ODAD2: variants seen among roughly 807,000 people sequenced by gnomAD.
ODAD2 encodes the protein outer dynein arm docking complex subunit 2.
In ODAD2, 89 loss-of-function variants were observed where a neutral mutation model predicts 106.8. The observed-to-expected ratio is 0.83, with a 90% confidence interval of 0.70 to 0.99. The LOEUF (loss-of-function observed/expected upper bound fraction) is 0.99. ODAD2 is among the 50% of genes least tolerant of loss of function. ODAD2 has a pLI of 0.00. For synonymous variants in ODAD2, 404 were observed against 436.2 expected (o/e 0.93, Z 0.92); for missense variants, 1,168 against 1,238.5 (o/e 0.94, Z 0.85).
In ODAD2 at chr10:27,940,519, A is replaced by T. The variant is rs746836213; in HGVS notation, c.1986+44T>A. 3.1e-6 allele frequency: 5 copies of T among 1,603,604 alleles called. No individual in the cohort carries two copies. In the East Asian group the frequency reaches 1.1e-4, roughly 36 times the overall value. On this transcript the variant is annotated intron_variant, in intron 13 of 19. Transcript: ENST00000305242. ...TTAGAAACAACTTTTGGACTAAAGA[A>T]AGTCAAGTTGAGAAGGCAAGGGAAG...
chr10:27,817,628 G>A (rs527956643), intron 19 of ODAD2, among the ~76,000 whole-genome samples: 29 of 152,192 alleles, frequency 1.9e-4, no homozygotes, highest in African/African-American at 7.0e-4. Context: ...TAGGATAAGG[G>A]CCTCCAGTTC....
rs932128010 is a variant in ODAD2, at chr10:27,890,046, C to T, written c.2610+17617G>A. Among the ~76,000 whole-genome samples, 6 of 152,112 alleles carry T rather than the reference C, an allele frequency of 3.9e-5. No individual in the cohort carries two copies. In the South Asian group the frequency reaches 1.0e-3, roughly 26 times the overall value. On this transcript the variant is annotated intron_variant, in intron 17 of 19. Coordinates refer to ENST00000305242, the MANE Select transcript of ODAD2 (RefSeq NM_018076.5). ...AAACTGCACTTGTACCCAATTTATA[C>T]AAATAAAAAATGCATAATCAAAAAA...
At chr10:27,835,147 C>G (rs780772377) in intron 19 of ODAD2, among the ~76,000 whole-genome samples, 14 of 152,202 alleles carry the variant, frequency 9.2e-5, no homozygotes, top group Non-Finnish European at 1.9e-4. Flanking sequence ...CCAGCAGGCC[C>G]TTGGAGGAGC....
intron 19 of ODAD2, among the ~76,000 whole-genome samples, chr10:27,847,285 A>G (rs541642460): frequency 6.6e-6 from 1 of 152,324 alleles, no homozygotes; most frequent in African/African-American, 2.4e-5. Context: ...AAATCAATAA[A>G]CGTAATCCAG....
intron 19 of ODAD2, among the ~76,000 whole-genome samples, chr10:27,854,484 A>G (rs1839518552): frequency 6.6e-6 from 1 of 152,194 alleles, no homozygotes; most frequent in African/African-American, 2.4e-5. Context: ...GGTTGGGCAC[A>G]GTGGCTTACG....
chr10:27,963,306 C>T lies in ODAD2; in HGVS notation c.1239-1591G>A, dbSNP rs537128494. Among the ~76,000 whole-genome samples the T allele has an allele frequency of 2.2e-4, 34 of 152,276 alleles. 1 individual carries two copies. The South Asian group carries it at 6.2e-3, about 28-fold the overall frequency. On this transcript the variant is annotated intron_variant, in intron 9 of 19. Transcript: ENST00000305242. ...ACAAGCATGAGCCACTGCACCCGGCCTGTCCCAGGCACTTTATATTCATTA... is the reference window on the plus strand; with the variant it reads ...ACAAGCATGAGCCACTGCACCCGGCTTGTCCCAGGCACTTTATATTCATTA...
chr10:27,939,444 G>A (rs145909993), intron 14 of ODAD2, among the ~76,000 whole-genome samples: 14 of 152,246 alleles, frequency 9.2e-5, no homozygotes, highest in Non-Finnish European at 1.2e-4. Flanking sequence ...GGCCGGGCAC[G>A]GTGGCTTATG....
At chr10:27,882,167 TAAAA>T (rs764639336) in intron 17 of ODAD2, among the ~76,000 whole-genome samples, 1,228 of 68,870 alleles carry the variant, frequency 0.018, 26 homozygotes, top group Middle Eastern at 0.029. Flanking sequence ...GACCTTGTCA[TAAAA>T]AAAAAGAAAG....
At chr10:27,987,634 A>G in intron 2 of ODAD2, 91 bp from the exon 3 acceptor site, 1 of 819,430 alleles carries the variant, frequency 1.2e-6, no homozygotes, top group South Asian at 2.5e-5. Flanking sequence ...TTATTCCTAT[A>G]TCTCATTATA....
At chr10:27,915,350 G>T (rs1844284486) in intron 16 of ODAD2, among the ~76,000 whole-genome samples, 1 of 152,098 alleles carries the variant, frequency 6.6e-6, no homozygotes, top group Non-Finnish European at 1.5e-5. Flanking sequence ...GGCAGATTCA[G>T]TGTCTAGTGA....
At chr10:27,900,025 A>T (rs1322115637) in intron 17 of ODAD2, among the ~76,000 whole-genome samples, 1 of 152,052 alleles carries the variant, frequency 6.6e-6, no homozygotes, top group African/African-American at 2.4e-5. Context: ...ACTGGGAGAC[A>T]CCTCCCAGCA....
At chr10:27,908,530 C>A (rs1015140711) in intron 16 of ODAD2, among the ~76,000 whole-genome samples, 13 of 152,136 alleles carry the variant, frequency 8.5e-5, no homozygotes, top group Non-Finnish European at 1.3e-4. Flanking sequence ...AACTTAATAA[C>A]CTTTACAAAC....
chr10:27,941,157 C>G (rs12263496), intron 12 of ODAD2, among the ~76,000 whole-genome samples: 1 of 152,116 alleles, frequency 6.6e-6, no homozygotes, highest in African/African-American at 2.4e-5. Context: ...TTAGCACTTT[C>G]TAAGGAGAAC....
chr10:27,842,096 C>T (rs1243215254), intron 19 of ODAD2, among the ~76,000 whole-genome samples: 1 of 152,204 alleles, frequency 6.6e-6, no homozygotes, highest in Non-Finnish European at 1.5e-5. Context: ...AAGATGCCTT[C>T]TCTGACTTCC....
intron 19 of ODAD2, among the ~76,000 whole-genome samples, chr10:27,819,027 A>G (rs1836379966): frequency 6.6e-6 from 1 of 152,242 alleles, no homozygotes. Flanking sequence ...TCTGGGGGTC[A>G]CTGCAAAGAT....
At chr10:27,895,581 A>G (rs1842807508) in intron 17 of ODAD2, among the ~76,000 whole-genome samples, 1 of 152,252 alleles carries the variant, frequency 6.6e-6, no homozygotes, top group African/African-American at 2.4e-5. Flanking sequence ...GAGCCACCAC[A>G]CCTGACCTAA....
chr10:27,964,356 G>A (rs370418178), intron 9 of ODAD2, among the ~76,000 whole-genome samples: 7 of 152,078 alleles, frequency 4.6e-5, no homozygotes, highest in Admixed American at 1.3e-4. Context: ...CGTGTGCCTC[G>A]GTTTCCTCAC....
chr10:27,948,072 A>G (rs553649968), intron 10 of ODAD2, among the ~76,000 whole-genome samples: 41 of 152,230 alleles, frequency 2.7e-4, no homozygotes, highest in African/African-American at 9.6e-4. Context: ...TAATTGCAGC[A>G]GATGTCCCAA....
intron 17 of ODAD2, among the ~76,000 whole-genome samples, chr10:27,886,734 T>A (rs1842245792): frequency 6.6e-6 from 1 of 152,038 alleles, no homozygotes; most frequent in Non-Finnish European, 1.5e-5. Flanking sequence ...ATTTGTGGCA[T>A]TCATAACGTA....
Sources: allele counts gnomAD v4.1 joint callset (sites outside exome capture counted in the v4.1 genomes callset), GRCh38; gene constraint gnomAD v4.1.1; transcripts MANE v1.5; gene names NCBI Gene and HGNC (gene_info 2026-07-23, HGNC 2026-07-21).